The following GPX3 variants were observed in gnomAD, a reference collection of about 807,000 sequenced individuals.
The protein encoded by GPX3 is GPx-3.
GPX3 carries 22 observed loss-of-function variants against 25.1 expected under a neutral mutation model. The ratio of observed to expected loss-of-function variants is 0.88; its 90% CI spans 0.63 to 1.25. GPX3 has a LOEUF of 1.25. GPX3 is among the 50% of genes most tolerant of loss of function. GPX3 has a pLI of 0.00. For synonymous variants in GPX3, 110 were observed against 114.5 expected, an observed-to-expected ratio of 0.96 and a Z score of 0.25; for missense variants, 278 against 286.6, an observed-to-expected ratio of 0.97 and a Z score of 0.22.
chr5:151,027,285 A>G (rs1388490886), intron 3 of GPX3, 147 bp from the exon 4 acceptor site: 14 of 653,584 alleles, frequency 2.1e-5, no homozygotes, highest in Non-Finnish European at 5.5e-6. Flanking sequence ...CATTATGCCT[A>G]TGCCCACTGC....
chr5:151,028,249 C>A lies in GPX3; in HGVS notation c.*119C>A. ...GACCCCTTTCCTATCACTCAAGGCC[C>A]CAGCCTGGCACAAATGGATGCATAC... On this transcript the variant is annotated 3_prime_UTR_variant, in exon 5 of 5. Transcript: ENST00000388825. The A allele has an allele frequency of 1.1e-6, 1 of 885,188 alleles. No homozygotes were observed. The highest frequency in any genetic ancestry group is 1.8e-6 in the Non-Finnish European group (1 of 562,048). 54.8% of individuals were successfully genotyped at this position (885,188 alleles called of 1,614,324 possible). A position where few individuals can be genotyped will look rare whatever the true frequency, so the allele number is the denominator to read the frequency against.
At chr5:151,025,141 C>T (rs1229494186) in intron 1 of GPX3, among the ~76,000 whole-genome samples, 199 bp from the exon 2 acceptor site, 2 of 151,644 alleles carry the variant, frequency 1.3e-5, no homozygotes, top group Middle Eastern at 3.4e-3. Flanking sequence ...ATTAAGTACC[C>T]GAAAAGCACT....
chr5:151,021,922 TC>T (rs1756483343), intron 1 of GPX3: 1 of 152,214 alleles, frequency 6.6e-6, no homozygotes, highest in Non-Finnish European at 1.5e-5. Context: ...TTCTTATGAG[TC>T]TAGGATTCCG....
Position 151,028,452 on chromosome 5 carries a change from A to C in GPX3, c.*322A>C. 1 of 352,480 alleles carries C rather than the reference A, an allele frequency of 2.8e-6. No homozygotes were observed. The highest frequency in any genetic ancestry group is 2.8e-5 in the South Asian group (1 of 36,166). The allele number at this position is 352,480 out of a possible 1,614,324, so 21.8% of individuals were successfully genotyped here. On this transcript the variant is annotated 3_prime_UTR_variant, in exon 5 of 5. Coordinates refer to ENST00000388825, the MANE Select transcript of GPX3 (RefSeq NM_002084.5). ...CAGCTGTGTAGTGCTGGACAGTGAC[A>C]ACCCTTTCTCTCCAGTTCTCCACTC...
chr5:151,021,922 T>C (rs1205825740), intron 1 of GPX3: 1 of 152,214 alleles, frequency 6.6e-6, no homozygotes, highest in Non-Finnish European at 1.5e-5. Flanking sequence ...TTCTTATGAG[T>C]CTAGGATTCC....
intron 1 of GPX3, among the ~76,000 whole-genome samples, chr5:151,023,315 G>A (rs191555915): frequency 7.7e-4 from 117 of 152,250 alleles, no homozygotes; most frequent in African/African-American, 2.6e-3. Flanking sequence ...ACTATCCCTT[G>A]ACATGAGATT....
chr5:151,023,282 C>G (rs953474697), intron 1 of GPX3, among the ~76,000 whole-genome samples: 2 of 152,138 alleles, frequency 1.3e-5, no homozygotes, highest in South Asian at 4.1e-4. Flanking sequence ...GGCTCTCCAC[C>G]CATGGGCCAC....
At position 151,028,139 on chromosome 5, in the gene GPX3, C is replaced by A; in HGVS notation, c.*9C>A. ...GGGTCAAGAGGAAGTAACTGAAGGCCGTCTCATCCCATGTCCACCATGTAG... is the reference window on the plus strand; with the variant it reads ...GGGTCAAGAGGAAGTAACTGAAGGCAGTCTCATCCCATGTCCACCATGTAG... On this transcript the variant is annotated 3_prime_UTR_variant, in exon 5 of 5. Transcript: ENST00000388825. 6.4e-7 allele frequency: 1 copy of A among 1,555,410 alleles called. No individual in the cohort carries two copies. The highest frequency in any genetic ancestry group is 8.7e-7 in the Non-Finnish European group (1 of 1,147,962).
At chr5:151,025,007 T>A (rs1429806421) in intron 1 of GPX3, among the ~76,000 whole-genome samples, 1 of 152,174 alleles carries the variant, frequency 6.6e-6, no homozygotes, top group Non-Finnish European at 1.5e-5. Flanking sequence ...TGACATGTGA[T>A]GTGGAAGTAA....
chr5:151,025,268 C>T (rs1756530479), intron 1 of GPX3, 72 bp from the exon 2 acceptor site: 2 of 1,291,160 alleles, frequency 1.5e-6, no homozygotes, highest in Non-Finnish European at 2.1e-6. Flanking sequence ...TGGGATCTTT[C>T]ATTCTTTTGA....
intron 1 of GPX3, among the ~76,000 whole-genome samples, chr5:151,024,502 G>A (rs1037475364): frequency 6.6e-6 from 1 of 152,130 alleles, no homozygotes; most frequent in Admixed American, 6.5e-5. Context: ...AAAAGAAAGG[G>A]CCAGTCCAAG....
Position 151,027,991 on chromosome 5 carries a change from G to A in GPX3, c.542G>A (p.Trp181Ter), listed in dbSNP as rs780644613. Reference protein sequence around the residue: ...WEPMKVHDIRWNFEKFLVGPD... With the variant: ...WEPMKVHDIR ...CCCATGAAGGTTCACGACATCCGCT[G>A]GAACTTTGAGAAGTTCCTGGTGGGG... Residue 181 changes from tryptophan to a stop codon, truncating the protein, a stop_gained, in exon 5 of 5, where the codon TGG becomes TAG. Coordinates refer to ENST00000388825, the MANE Select transcript of GPX3 (RefSeq NM_002084.5). LOFTEE classifies it high-confidence loss of function. 1.9e-6 allele frequency: 3 copies of A among 1,614,190 alleles called. No individual in the cohort carries two copies. The highest frequency in any genetic ancestry group is 1.3e-5 in the African/African-American group (1 of 75,038).
In GPX3 at chr5:151,027,728, A is replaced by C. The variant is rs1378029772; in HGVS notation, c.460-181A>C. ...CCATTTTACAGAAAGGCCCAGAAGGACCCAGAGTGAACATACTAAGGGTCT... is the reference window on the plus strand; with the variant it reads ...CCATTTTACAGAAAGGCCCAGAAGGCCCCAGAGTGAACATACTAAGGGTCT... On this transcript the variant is annotated intron_variant, in intron 4 of 4. Coordinates refer to ENST00000388825, the MANE Select transcript of GPX3 (RefSeq NM_002084.5). The C allele has an allele frequency of 4.3e-6, 3 of 696,680 alleles. No homozygotes were observed. In the South Asian group the frequency reaches 4.9e-5, roughly 11 times the overall value. The allele number at this position is 696,680 out of a possible 1,614,324, so 43.2% of individuals were successfully genotyped here. A position where few individuals can be genotyped will look rare whatever the true frequency, so the allele number is the denominator to read the frequency against.
At chr5:151,023,379 A>G (rs8177426) in intron 1 of GPX3, among the ~76,000 whole-genome samples, 115,427 of 152,010 alleles carry the variant, frequency 0.76, 44,792 homozygotes, top group East Asian at 0.95. Flanking sequence ...TCCCACAACC[A>G]TTTTGGGCAG....
At chr5:151,026,235 C>T (rs1469974424) in intron 2 of GPX3, among the ~76,000 whole-genome samples, 1 of 152,208 alleles carries the variant, frequency 6.6e-6, no homozygotes, top group Non-Finnish European at 1.5e-5. Context: ...GAGCAGTCTA[C>T]TGGCAGGGGG....
At chr5:151,021,580 G>T (rs1756477184) in intron 1 of GPX3, 1 of 152,320 alleles carries the variant, frequency 6.6e-6, no homozygotes, top group Non-Finnish European at 1.5e-5. Flanking sequence ...GAAAGCTGGG[G>T]ACTGCTAATT....
Position 151,028,350 on chromosome 5 carries a change from T to G in GPX3, c.*220T>G. ...ACACATGCCTACAGGTATGCGTGATTGTGTGTGTGTGCATGGGTGTACAGC... is the reference window on the plus strand; with the variant it reads ...ACACATGCCTACAGGTATGCGTGATGGTGTGTGTGTGCATGGGTGTACAGC... On this transcript the variant is annotated 3_prime_UTR_variant, in exon 5 of 5. Transcript: ENST00000388825. The G allele has an allele frequency of 1.8e-6, 1 of 547,794 alleles. No homozygotes were observed. The highest frequency in any genetic ancestry group is 3.3e-6 in the Non-Finnish European group (1 of 301,616). 33.9% of individuals were successfully genotyped at this position (547,794 alleles called of 1,614,324 possible).
chr5:151,025,653 A>G (rs1462299627), intron 2 of GPX3, among the ~76,000 whole-genome samples, 160 bp downstream of exon 2: 1 of 152,210 alleles, frequency 6.6e-6, no homozygotes, highest in Admixed American at 6.5e-5. Flanking sequence ...GAAGATGATT[A>G]TATAAGCCTG....
At position 151,028,077 on chromosome 5, in the gene GPX3, G is replaced by C; in HGVS notation, c.628G>C (p.Asp210His). 1 of 1,610,494 alleles carries C rather than the reference G, an allele frequency of 6.2e-7. No individual in the cohort carries two copies. The highest frequency in any genetic ancestry group is 8.5e-7 in the Non-Finnish European group (1 of 1,178,230). ...GACCACGGTCAGCAACGTCAAGATG[G>C]ACATCCTGTCCTACATGAGGCGGCA... ...HRTTVSNVKM[D>H]ILSYMRRQAA... Residue 210 changes from aspartate to histidine, a missense_variant, in exon 5 of 5, where the codon GAC (aspartate) becomes CAC (histidine). Coordinates refer to ENST00000388825, the MANE Select transcript of GPX3 (RefSeq NM_002084.5).
Sources: allele counts gnomAD v4.1 joint callset (sites outside exome capture counted in the v4.1 genomes callset), GRCh38; gene constraint gnomAD v4.1.1; transcripts MANE v1.5; gene names NCBI Gene and HGNC (gene_info 2026-07-23, HGNC 2026-07-21).